The following FMNL2 variants were observed in gnomAD, a reference collection of about 807,000 sequenced individuals.
FMNL2 encodes the protein formin like 2, also known as formin-like protein 2.
FMNL2 carries 51 observed loss-of-function variants against 130.2 expected under a neutral mutation model. That is an observed-to-expected ratio of 0.39 (90% CI 0.31 to 0.49). FMNL2 has a LOEUF of 0.49. Among genes scored for constraint, FMNL2 ranks in the 20% least tolerant of loss-of-function variants. The pLI is 0.85. For missense variants in FMNL2, 977 were observed against 1,316.2 expected, an observed-to-expected ratio of 0.74 and a Z score of 3.99; for synonymous variants, 465 against 467.1, an observed-to-expected ratio of 1.00 and a Z score of 0.06.
intron 25 of FMNL2, among the ~76,000 whole-genome samples, chr2:152,646,543 G>GTTAA (rs1011219874): frequency 6.7e-6 from 1 of 148,190 alleles, no homozygotes; most frequent in Non-Finnish European, 1.5e-5. Context: ...TGGTCTTTAT[G>GTTAA]TTAATTACCA....
chr2:152,591,882 T>C (rs890670087), intron 9 of FMNL2, among the ~76,000 whole-genome samples: 1 of 151,898 alleles, frequency 6.6e-6, no homozygotes, highest in Non-Finnish European at 1.5e-5. Flanking sequence ...AGGCAGGTGA[T>C]CACAAGGTCT....
chr2:152,409,761 C>T (rs1032127675), intron 1 of FMNL2, among the ~76,000 whole-genome samples: 2 of 152,098 alleles, frequency 1.3e-5, no homozygotes, highest in Non-Finnish European at 1.5e-5. Flanking sequence ...CCCATTTAAT[C>T]CTTACAGTCA....
chr2:152,495,271 A>C (rs943423841), intron 1 of FMNL2, among the ~76,000 whole-genome samples: 37 of 152,178 alleles, frequency 2.4e-4, no homozygotes, highest in African/African-American at 8.9e-4. Context: ...TCTTTGAAGT[A>C]TTAAGTACAT....
intron 1 of FMNL2, 76 bp downstream of exon 1, chr2:152,335,796 C>T (rs2105698826): frequency 5.5e-6 from 6 of 1,088,028 alleles, no homozygotes; most frequent in South Asian, 1.8e-5. Flanking sequence ...CCGCCCCTCC[C>T]CTTCACCCCG....
chr2:152,633,913 C>T (rs1682365675), intron 21 of FMNL2, among the ~76,000 whole-genome samples: 1 of 152,214 alleles, frequency 6.6e-6, no homozygotes, highest in African/African-American at 2.4e-5. Flanking sequence ...TTGCCCAACA[C>T]AGATTCTGTA....
At chr2:152,373,713 A>T (rs1684012806) in intron 1 of FMNL2, among the ~76,000 whole-genome samples, 1 of 111,406 alleles carries the variant, frequency 9.0e-6, no homozygotes, top group Admixed American at 8.5e-5. Flanking sequence ...AACCTTGTGG[A>T]AATTTTTTTT....
intron 25 of FMNL2, 65 bp from the exon 26 acceptor site, chr2:152,647,731 T>C (rs1683713917): frequency 6.6e-7 from 1 of 1,517,514 alleles, no homozygotes; most frequent in South Asian, 1.1e-5. Context: ...CAGCTGGCCT[T>C]TGTCCTGCTT....
intron 4 of FMNL2, among the ~76,000 whole-genome samples, chr2:152,552,987 T>A (rs1252232626): frequency 6.6e-6 from 1 of 152,226 alleles, no homozygotes. Flanking sequence ...TTCTGAAAGA[T>A]GCTCATTTCA....
chr2:152,480,962 G>C (rs1417557627), intron 1 of FMNL2, among the ~76,000 whole-genome samples: 1 of 152,138 alleles, frequency 6.6e-6, no homozygotes, highest in Non-Finnish European at 1.5e-5. Context: ...CATAATTTCA[G>C]AGTCTCTCTC....
At chr2:152,582,910 A>G (rs1021595226) in intron 9 of FMNL2, among the ~76,000 whole-genome samples, 2 of 152,218 alleles carry the variant, frequency 1.3e-5, no homozygotes, top group Non-Finnish European at 2.9e-5. Flanking sequence ...GTCAGATTAT[A>G]TCCTAAAGAT....
Position 152,572,084 on chromosome 2 carries a change from TTG to T in FMNL2, c.597-3051_597-3050del, listed in dbSNP as rs1558973472. Reference sequence around the variant, plus strand: ...CAAAGCTGAGTTTTTCTAATGATATTTGGTTCTTCAGTCCTGTGTATTGTGGA... The same window carrying T: ...CAAAGCTGAGTTTTTCTAATGATATTGTTCTTCAGTCCTGTGTATTGTGGA... On this transcript the variant is annotated intron_variant, in intron 6 of 25. Coordinates refer to ENST00000288670, the MANE Select transcript of FMNL2 (RefSeq NM_052905.4). Among the ~76,000 whole-genome samples, 18 of 152,314 alleles carry T rather than the reference TTG, an allele frequency of 1.2e-4. No individual in the cohort carries two copies. In the East Asian group the frequency reaches 2.9e-3, roughly 24 times the overall value.
Position 152,336,092 on chromosome 2 carries a change from A to AAAAACAAAACAAAACAAAACAAAAC in FMNL2, c.117+379_117+403dup, listed in dbSNP as rs4035883. 3.8e-5 allele frequency among the ~76,000 whole-genome samples: 5 copies of AAAAACAAAACAAAACAAAACAAAAC among 132,268 alleles called. No homozygotes were observed. In the East Asian group the frequency reaches 6.6e-4, roughly 17 times the overall value. The allele number at this position is 132,268 out of a possible 152,430, so 86.8% of individuals were successfully genotyped here. A position where few individuals can be genotyped will look rare whatever the true frequency, so the allele number is the denominator to read the frequency against. Reference sequence around the variant, plus strand: ...GAGCCGCTTAGGCTTTTTTTTTAAAAAAAACAAAACAAAACAAAACAAAAC... The same window carrying AAAAACAAAACAAAACAAAACAAAAC: ...GAGCCGCTTAGGCTTTTTTTTTAAAAAAAACAAAACAAAACAAAACAAAACAAAACAAAACAAAACAAAACAAAAC... On this transcript the variant is annotated intron_variant, in intron 1 of 25. Coordinates refer to ENST00000288670, the MANE Select transcript of FMNL2 (RefSeq NM_052905.4).
intron 4 of FMNL2, among the ~76,000 whole-genome samples, chr2:152,557,141 C>T (rs976826193): frequency 6.6e-6 from 1 of 151,978 alleles, no homozygotes; most frequent in Non-Finnish European, 1.5e-5. Flanking sequence ...ATCAGTGTCT[C>T]CTGAGACCTA....
intron 2 of FMNL2, among the ~76,000 whole-genome samples, chr2:152,535,144 C>G (rs982947766): frequency 6.6e-5 from 10 of 152,224 alleles, no homozygotes; most frequent in Admixed American, 5.2e-4. Context: ...TATTTGACAT[C>G]CACTGTCGTT....
chr2:152,390,399 TG>T, intron 1 of FMNL2: 7 of 1,072,500 alleles, frequency 6.5e-6, no homozygotes, highest in Non-Finnish European at 1.0e-5. Flanking sequence ...GATGGAGTGG[TG>T]GAGCTGCTTG....
rs1157738868 is a variant in FMNL2 at position 152,469,790 on chromosome 2, T to C, written c.118-52153T>C. On this transcript the variant is annotated intron_variant, in intron 1 of 25. Transcript: ENST00000288670. ...AAATAATGTCTCCGTCCTTTAGTTT[T>C]CCCACCTTGTAAAATGGGAGCAGTA... is the stretch of plus-strand genomic sequence containing the variant. Among the ~76,000 whole-genome samples, 2 of 152,210 alleles carry C rather than the reference T, an allele frequency of 1.3e-5. 1 individual carries two copies. Among genetic ancestry groups the C allele is most frequent in the African/African-American group, 4.8e-5 (2 of 41,456 alleles).
chr2:152,400,676 T>A (rs757716512), intron 1 of FMNL2, among the ~76,000 whole-genome samples: 6 of 152,310 alleles, frequency 3.9e-5, no homozygotes, highest in Non-Finnish European at 8.8e-5. Context: ...TATTTATGCA[T>A]TTGGGACCAG....
At chr2:152,450,369 T>C (rs1688572695) in intron 1 of FMNL2, among the ~76,000 whole-genome samples, 1 of 152,202 alleles carries the variant, frequency 6.6e-6, no homozygotes, top group Non-Finnish European at 1.5e-5. Context: ...TTCTCTCCTT[T>C]TGCAGTGTTC....
intron 2 of FMNL2, among the ~76,000 whole-genome samples, chr2:152,542,491 A>G (rs970273592): frequency 3.3e-5 from 5 of 152,238 alleles, no homozygotes; most frequent in African/African-American, 1.2e-4. Flanking sequence ...TCAAACCCAC[A>G]TGTACATGTG....
Sources: allele counts gnomAD v4.1 joint callset (sites outside exome capture counted in the v4.1 genomes callset), GRCh38; gene constraint gnomAD v4.1.1; transcripts MANE v1.5; gene names NCBI Gene and HGNC (gene_info 2026-07-23, HGNC 2026-07-21).